Variants in SGCZ observed in about 807,000 individuals in gnomAD.
The protein encoded by SGCZ is sarcoglycan zeta.
Under a neutral mutation model 41.3 loss-of-function variants are expected in SGCZ, and 40 were observed. That is an observed-to-expected ratio of 0.97 (90% CI 0.75 to 1.26). SGCZ has a LOEUF of 1.26. Ranked by LOEUF, SGCZ falls within the 50% of genes most tolerant of loss-of-function variation. SGCZ has a pLI of 0.00. For synonymous variants in SGCZ, 206 were observed against 137.5 expected (o/e 1.50, Z -3.49); for missense variants, 552 against 369.8 (o/e 1.49, Z -4.04).
chr8:14,632,901 TA>T (rs984226670), intron 1 of SGCZ, among the ~76,000 whole-genome samples: 60 of 152,156 alleles, frequency 3.9e-4, no homozygotes, highest in African/African-American at 1.4e-3. Flanking sequence ...TTAAACTATG[TA>T]AAAATGATCA....
intron 1 of SGCZ, among the ~76,000 whole-genome samples, chr8:14,751,554 A>C (rs940769542): frequency 3.3e-5 from 5 of 152,158 alleles, no homozygotes; most frequent in Admixed American, 1.3e-4. Flanking sequence ...TGTATTAGGA[A>C]CCAGAATACT....
Position 14,090,376 on chromosome 8 carries a change from G to C in SGCZ, c.*67C>G. On this transcript the variant is annotated 3_prime_UTR_variant, in exon 8 of 8. Transcript: ENST00000382080. Reference sequence around the variant, plus strand: ...CTCTGGACTGATCACAAGGGAAACCGAGCAGAACTGTGAAGCAGACGGACA... The same window carrying C: ...CTCTGGACTGATCACAAGGGAAACCCAGCAGAACTGTGAAGCAGACGGACA... 2.0e-5 allele frequency: 30 copies of C among 1,529,982 alleles called. No individual in the cohort carries two copies. The highest frequency in any genetic ancestry group is 2.6e-5 in the Non-Finnish European group (29 of 1,131,392). 94.8% of individuals were successfully genotyped at this position (1,529,982 alleles called of 1,614,324 possible).
chr8:14,350,948 T>G (rs1251004862), intron 2 of SGCZ, among the ~76,000 whole-genome samples: 2 of 152,178 alleles, frequency 1.3e-5, no homozygotes, highest in African/African-American at 4.8e-5. Flanking sequence ...CAGGAGAGTT[T>G]TCCGTGTTGG....
chr8:15,154,228 A>G (rs1164937580), intron 1 of SGCZ, among the ~76,000 whole-genome samples: 1 of 152,346 alleles, frequency 6.6e-6, no homozygotes, highest in Non-Finnish European at 1.5e-5. Flanking sequence ...AGCTTTCACT[A>G]GTTTTGCTCC....
intron 5 of SGCZ, 91 bp from the exon 6 acceptor site, chr8:14,108,326 CAG>C (rs773879111): frequency 5.7e-5 from 68 of 1,184,716 alleles, no homozygotes; most frequent in African/African-American, 1.1e-4. Context: ...TCTTCCAAAA[CAG>C]AGAAAACTTA....
intron 7 of SGCZ, among the ~76,000 whole-genome samples, chr8:14,096,102 T>G (rs929364023): frequency 6.6e-6 from 1 of 152,148 alleles, no homozygotes; most frequent in Non-Finnish European, 1.5e-5. Context: ...TATTTCTTTC[T>G]TTTTCCTGAC....
At chr8:14,551,566 TATAATA>T (rs1563404797) in intron 2 of SGCZ, among the ~76,000 whole-genome samples, 5 of 28,244 alleles carry the variant, frequency 1.8e-4, no homozygotes, top group African/African-American at 7.7e-4. Flanking sequence ...ATATTATATA[TATAATA>T]TATATATAAT....
intron 1 of SGCZ, among the ~76,000 whole-genome samples, chr8:15,126,138 G>A (rs998846545): frequency 9.9e-5 from 15 of 152,184 alleles, no homozygotes; most frequent in African/African-American, 1.4e-4. Context: ...AGAGGGAGAC[G>A]CCATCTCAAA....
chr8:15,009,890 A>C (rs1802765898), intron 1 of SGCZ, among the ~76,000 whole-genome samples: 1 of 152,284 alleles, frequency 6.6e-6, no homozygotes, highest in African/African-American at 2.4e-5. Context: ...AATTTATATA[A>C]CTCTGATCAA....
At chr8:15,003,138 G>C (rs571694047) in intron 1 of SGCZ, among the ~76,000 whole-genome samples, 1 of 152,070 alleles carries the variant, frequency 6.6e-6, no homozygotes, top group Non-Finnish European at 1.5e-5. Context: ...TATTAAAAGA[G>C]GTATATTGTT....
chr8:14,547,952 A>G (rs1563401712), intron 2 of SGCZ, among the ~76,000 whole-genome samples: 1 of 152,196 alleles, frequency 6.6e-6, no homozygotes, highest in Non-Finnish European at 1.5e-5. Context: ...TTTATGCTCA[A>G]CCTTAACAGA....
At chr8:14,343,693 T>C (rs1585387307) in intron 2 of SGCZ, among the ~76,000 whole-genome samples, 2 of 152,182 alleles carry the variant, frequency 1.3e-5, no homozygotes, top group Admixed American at 1.3e-4. Context: ...CAGAATAATC[T>C]AGATTCAGAG....
chr8:14,582,406 C>G (rs911112326), intron 1 of SGCZ, among the ~76,000 whole-genome samples: 10 of 152,040 alleles, frequency 6.6e-5, no homozygotes, highest in African/African-American at 2.4e-4. Context: ...TATTTACACA[C>G]ATAAATACAT....
intron 5 of SGCZ, among the ~76,000 whole-genome samples, chr8:14,135,178 G>T (rs1255887817): frequency 6.6e-6 from 1 of 151,954 alleles, no homozygotes; most frequent in East Asian, 1.9e-4. Context: ...AGAGTACTAG[G>T]CATATAGTGG....
chr8:14,622,706 C>T (rs7461463), intron 1 of SGCZ, among the ~76,000 whole-genome samples: 60,898 of 152,038 alleles, frequency 0.4, 12,478 homozygotes, highest in East Asian at 0.71. Flanking sequence ...AAGGATGACA[C>T]AATGACATTA....
chr8:14,188,293 A>G (rs1398741101), intron 4 of SGCZ, among the ~76,000 whole-genome samples: 1 of 152,180 alleles, frequency 6.6e-6, no homozygotes, highest in African/African-American at 2.4e-5. Context: ...ATACATGCAT[A>G]TTTCTTCTCT....
At chr8:14,475,092 T>C (rs1449272555) in intron 2 of SGCZ, among the ~76,000 whole-genome samples, 10 of 152,282 alleles carry the variant, frequency 6.6e-5, no homozygotes, top group African/African-American at 2.4e-4. Context: ...TTTCAAACCA[T>C]ACAAGTAGAT....
chr8:14,797,244 G>A (rs1801163335), intron 1 of SGCZ, among the ~76,000 whole-genome samples: 1 of 152,230 alleles, frequency 6.6e-6, no homozygotes, highest in East Asian at 1.9e-4. Context: ...CAGAAGACAG[G>A]AAGATTTAGA....
chr8:14,416,428 G>A (rs746554162), intron 2 of SGCZ, among the ~76,000 whole-genome samples: 1 of 151,824 alleles, frequency 6.6e-6, no homozygotes, highest in Non-Finnish European at 1.5e-5. Context: ...AGTAAAGAAC[G>A]AAAGAGTATT....
Sources: allele counts gnomAD v4.1 joint callset (sites outside exome capture counted in the v4.1 genomes callset), GRCh38; gene constraint gnomAD v4.1.1; transcripts MANE v1.5; gene names NCBI Gene and HGNC (gene_info 2026-07-23, HGNC 2026-07-21).